The following LIN28B variants were observed in gnomAD, a reference collection of about 807,000 sequenced individuals.
The protein encoded by LIN28B is protein lin-28 homolog B.
LIN28B carries 5 observed loss-of-function variants against 21.9 expected under a neutral mutation model. That is an observed-to-expected ratio of 0.23 (90% CI 0.12 to 0.48). The LOEUF (loss-of-function observed/expected upper bound fraction) is 0.48, where lower values mean the gene tolerates loss of function less well. Ranked by LOEUF, LIN28B falls within the 20% of genes least tolerant of loss-of-function variation. The pLI is 0.98. For missense variants in LIN28B, 245 were observed against 310.5 expected (o/e 0.79, Z 1.58); for synonymous variants, 109 against 111.3 (o/e 0.98, Z 0.13).
intron 3 of LIN28B, among the ~76,000 whole-genome samples, chr6:105,076,750 C>T (rs999215660): frequency 1.2e-4 from 18 of 151,804 alleles, no homozygotes; most frequent in African/African-American, 4.3e-4. Context: ...GGACTACAAG[C>T]GCGCGCCATC....
At chr6:105,071,737 C>T (rs1233528507) in intron 3 of LIN28B, among the ~76,000 whole-genome samples, 1 of 152,168 alleles carries the variant, frequency 6.6e-6, no homozygotes, top group East Asian at 1.9e-4. Flanking sequence ...ATCATTCATA[C>T]TGCAGTGTGA....
chr6:105,059,569 G>A (rs768263462), intron 3 of LIN28B, among the ~76,000 whole-genome samples: 6 of 152,164 alleles, frequency 3.9e-5, no homozygotes, highest in Non-Finnish European at 7.3e-5. Flanking sequence ...AGTGGTAAGT[G>A]AAGCTTAGTA....
At chr6:104,964,097 G>A (rs1028996574) in intron 2 of LIN28B, among the ~76,000 whole-genome samples, 21 of 152,204 alleles carry the variant, frequency 1.4e-4, no homozygotes, top group African/African-American at 3.6e-4. Context: ...TTCCTATTCA[G>A]AGATAGTTAG....
intron 2 of LIN28B, among the ~76,000 whole-genome samples, chr6:104,958,966 A>T (rs558683051): frequency 4.7e-4 from 71 of 152,312 alleles, no homozygotes; most frequent in Admixed American, 7.8e-4. Flanking sequence ...ACATGTGGCC[A>T]GAGGCGGCTC....
In LIN28B at chr6:105,053,721, G is replaced by A. The variant is rs867595975; in HGVS notation, c.384-24693G>A. Among the ~76,000 whole-genome samples, 113 of 151,514 alleles carry A rather than the reference G, an allele frequency of 7.5e-4. 1 individual carries two copies. The South Asian group carries it at 0.011, about 15-fold the overall frequency. On this transcript the variant is annotated intron_variant, in intron 3 of 3. Transcript: ENST00000345080. ...ATGGTGTGTGTGTGGGTGCGTGTGT[G>A]TGTGTGTGTGTGTGTGTGTGTGTAT...
intron 3 of LIN28B, among the ~76,000 whole-genome samples, chr6:105,057,388 A>G (rs1385324721): frequency 2.0e-5 from 3 of 152,184 alleles, no homozygotes; most frequent in African/African-American, 7.2e-5. Flanking sequence ...ATCTGACAGC[A>G]TAGGAAATTA....
In LIN28B at chr6:105,081,064, T is replaced by C. The variant is rs1271901566; in HGVS notation, c.*2281T>C. ...ACCAAACCTATCTTATGGTTGAAAGTTGGGGTTTATTTTTTATATGAGAAT... is the reference window on the plus strand; with the variant it reads ...ACCAAACCTATCTTATGGTTGAAAGCTGGGGTTTATTTTTTATATGAGAAT... On this transcript the variant is annotated 3_prime_UTR_variant, in exon 4 of 4. Coordinates refer to ENST00000345080, the MANE Select transcript of LIN28B (RefSeq NM_001004317.4). 3 of 152,578 alleles carry C rather than the reference T, an allele frequency of 2.0e-5. No individual in the cohort carries two copies. The highest frequency in any genetic ancestry group is 4.4e-5 in the Non-Finnish European group (3 of 68,034). 9.5% of individuals were successfully genotyped at this position (152,578 alleles called of 1,614,324 possible). A position where few individuals can be genotyped will look rare whatever the true frequency, so the allele number is the denominator to read the frequency against.
At chr6:104,996,651 C>T (rs1770612144) in intron 2 of LIN28B, among the ~76,000 whole-genome samples, 1 of 151,954 alleles carries the variant, frequency 6.6e-6, no homozygotes, top group Non-Finnish European at 1.5e-5. Flanking sequence ...TAAGGAAAAA[C>T]CAGGTCGTAT....
At chr6:104,982,030 AG>A (rs1770234770) in intron 2 of LIN28B, among the ~76,000 whole-genome samples, 1 of 152,184 alleles carries the variant, frequency 6.6e-6, no homozygotes. Context: ...AGAAGGAATT[AG>A]GGCTTGGGCG....
chr6:104,946,638 T>A (rs746233701), intron 2 of LIN28B, among the ~76,000 whole-genome samples: 2 of 152,152 alleles, frequency 1.3e-5, no homozygotes, highest in African/African-American at 4.8e-5. Context: ...CTGGTGTTAG[T>A]GTAATATTAA....
At chr6:105,063,755 A>C (rs930573319) in intron 3 of LIN28B, among the ~76,000 whole-genome samples, 16 of 151,744 alleles carry the variant, frequency 1.1e-4, no homozygotes, top group Admixed American at 9.2e-4. Flanking sequence ...ATTTGAGGCC[A>C]GGTGTTTGAG....
chr6:104,939,295 T>C (rs1778052096), intron 2 of LIN28B: 1 of 152,256 alleles, frequency 6.6e-6, no homozygotes, highest in Admixed American at 6.5e-5. Context: ...TCTGTACTAC[T>C]TCGCAAAGTA....
chr6:104,991,777 G>A (rs931194155), intron 2 of LIN28B, among the ~76,000 whole-genome samples: 3 of 152,208 alleles, frequency 2.0e-5, no homozygotes, highest in African/African-American at 7.2e-5. Context: ...CCAGGAGGCC[G>A]AGGCTGGCAG....
intron 3 of LIN28B, among the ~76,000 whole-genome samples, chr6:105,055,115 T>G (rs1395456712): frequency 6.6e-6 from 1 of 152,088 alleles, no homozygotes; most frequent in Non-Finnish European, 1.5e-5. Flanking sequence ...TGCACCAAAG[T>G]GTGGGATTTT....
At chr6:104,974,488 C>CAA (rs375405881) in intron 2 of LIN28B, among the ~76,000 whole-genome samples, 4 of 64,982 alleles carry the variant, frequency 6.2e-5, no homozygotes, top group Non-Finnish European at 1.2e-4. Flanking sequence ...GACTCCATCT[C>CAA]AAAAAAAAAA....
Position 105,079,165 on chromosome 6 carries a change from A to G in LIN28B, c.*382A>G, listed in dbSNP as rs1323889810. ...TATAATTGGATATTTCCAAGAATTG[A>G]AAACCCATGTGAAGCATTATAGATA... On this transcript the variant is annotated 3_prime_UTR_variant, in exon 4 of 4. Transcript: ENST00000345080. 6.2e-6 allele frequency: 1 copy of G among 160,282 alleles called. No individual in the cohort carries two copies. Among genetic ancestry groups the G allele is most frequent in the African/African-American group, 2.4e-5 (1 of 41,616 alleles). The allele number at this position is 160,282 out of a possible 1,614,324, so 9.9% of individuals were successfully genotyped here. A position where few individuals can be genotyped will look rare whatever the true frequency, so the allele number is the denominator to read the frequency against.
chr6:105,039,460 T>A (rs1771588731), intron 3 of LIN28B, among the ~76,000 whole-genome samples: 1 of 152,176 alleles, frequency 6.6e-6, no homozygotes, highest in Non-Finnish European at 1.5e-5. Context: ...CCTACTGTAT[T>A]GTTGAATAAA....
At chr6:105,065,903 A>G (rs1772210821) in intron 3 of LIN28B, among the ~76,000 whole-genome samples, 1 of 152,218 alleles carries the variant, frequency 6.6e-6, no homozygotes, top group Non-Finnish European at 1.5e-5. Context: ...ATTCTGGCTC[A>G]CACCTGTAAT....
At chr6:105,022,670 G>C (rs1249403866) in intron 2 of LIN28B, among the ~76,000 whole-genome samples, 1 of 152,040 alleles carries the variant, frequency 6.6e-6, no homozygotes, top group Non-Finnish European at 1.5e-5. Flanking sequence ...GATGGAATTA[G>C]AGTAATGTTT....
Sources: allele counts gnomAD v4.1 joint callset (sites outside exome capture counted in the v4.1 genomes callset), GRCh38; gene constraint gnomAD v4.1.1; transcripts MANE v1.5; gene names NCBI Gene and HGNC (gene_info 2026-07-23, HGNC 2026-07-21).